DCHS2: variants seen among roughly 807,000 people sequenced by gnomAD.
DCHS2 encodes the protein protocadherin-23.
In DCHS2, 142 loss-of-function variants were observed where a neutral mutation model predicts 182.4. That is an observed-to-expected ratio of 0.78 (90% CI 0.68 to 0.89). The LOEUF (loss-of-function observed/expected upper bound fraction) is 0.89. Ranked by LOEUF, DCHS2 falls within the 40% of genes least tolerant of loss-of-function variation. DCHS2 has a pLI of 0.00. For synonymous variants in DCHS2, 1,740 were observed against 1,663.3 expected (o/e 1.05, Z -1.12); for missense variants, 4,319 against 4,198.6 (o/e 1.03, Z -0.79).
At chr4:154,355,673 A>C (rs771666251) in intron 3 of DCHS2, 3 of 152,206 alleles carry the variant, frequency 2.0e-5, no homozygotes, top group African/African-American at 7.2e-5. Flanking sequence ...TGTCACATAC[A>C]TAATGACATT....
intron 2 of DCHS2, among the ~76,000 whole-genome samples, chr4:154,376,019 G>A (rs1057441401): frequency 4.6e-5 from 7 of 152,010 alleles, no homozygotes; most frequent in Admixed American, 2.6e-4. Context: ...TAAAAAAATT[G>A]GTATACTAAT....
chr4:154,265,746 T>C (rs1348272451), intron 14 of DCHS2, among the ~76,000 whole-genome samples: 3 of 151,290 alleles, frequency 2.0e-5, no homozygotes, highest in Non-Finnish European at 2.9e-5. Context: ...TGTACACATA[T>C]TTCTGAACAA....
intron 7 of DCHS2, among the ~76,000 whole-genome samples, chr4:154,324,414 A>G (rs1051078443): frequency 6.6e-6 from 1 of 152,180 alleles, no homozygotes; most frequent in Non-Finnish European, 1.5e-5. Flanking sequence ...CCTTTGGTGG[A>G]AAATGGTTTT....
At chr4:154,453,789 T>C (rs1004259669) in intron 1 of DCHS2, among the ~76,000 whole-genome samples, 5 of 152,178 alleles carry the variant, frequency 3.3e-5, no homozygotes, top group Non-Finnish European at 5.9e-5. Context: ...ATCTCTTGCC[T>C]ATCTAATTCC....
chr4:154,354,383 T>C (rs987401092), intron 3 of DCHS2, among the ~76,000 whole-genome samples: 3 of 152,258 alleles, frequency 2.0e-5, no homozygotes, highest in Admixed American at 2.0e-4. Context: ...ATTTGTCAAC[T>C]TGATGTCAAT....
At chr4:154,350,140 T>G (rs188574374) in intron 3 of DCHS2, among the ~76,000 whole-genome samples, 8 of 152,350 alleles carry the variant, frequency 5.3e-5, no homozygotes, top group Non-Finnish European at 8.8e-5. Context: ...TCTGAGGAAC[T>G]CAGCTAACAG....
chr4:154,489,845 A>G lies in DCHS2; in HGVS notation c.1511T>C (p.Leu504Pro). 1 of 1,549,230 alleles carries G rather than the reference A, an allele frequency of 6.5e-7. No homozygotes were observed. Among genetic ancestry groups the G allele is most frequent in the Non-Finnish European group, 8.7e-7 (1 of 1,145,208 alleles). Residue 504 changes from leucine (L) to proline (P), a missense_variant, in exon 1 of 20, where the codon CTG (leucine) becomes CCG (proline). By Grantham distance (98) the Leu-to-Pro change is moderately conservative. Transcript: ENST00000357232. Reference sequence around the variant, plus strand: ...CGTGGCCACCAGTAGTAACTCATACAGATCGCGGCTCTCTCTGTCCAGGGG... The same window carrying G: ...CGTGGCCACCAGTAGTAACTCATACGGATCGCGGCTCTCTCTGTCCAGGGG... ...EGPLDRESRD[L>P]YELLLVATDA...
At chr4:154,429,450 A>T (rs1733470665) in intron 1 of DCHS2, among the ~76,000 whole-genome samples, 1 of 152,196 alleles carries the variant, frequency 6.6e-6, no homozygotes, top group Non-Finnish European at 1.5e-5. Flanking sequence ...GACTGCAGAC[A>T]GGTGTCCTAG....
Position 154,321,220 on chromosome 4 carries a change from C to A in DCHS2, c.4179G>T (p.Val1393=), listed in dbSNP as rs746049230. ...LQGQAVVNIQ[V]IPLSKGRAIM... ...TTGCTCTCCCTTTGGATAGTGGGAT[C>A]ACCTGAAATACGAATAAAAGAGATA... is the stretch of plus-strand genomic sequence containing the variant. The change falls in exon 9 of 20, where the codon GTG becomes GTT. Residue 1393 remains valine, a splice_region_variant and synonymous_variant. Coordinates refer to ENST00000357232, the MANE Select transcript of DCHS2 (RefSeq NM_001358235.2). The A allele has an allele frequency of 6.6e-7, 1 of 1,509,228 alleles. No homozygotes were observed. The highest frequency in any genetic ancestry group is 8.9e-7 in the Non-Finnish European group (1 of 1,128,338). The allele number at this position is 1,509,228 out of a possible 1,614,324, so 93.5% of individuals were successfully genotyped here.
Position 154,490,859 on chromosome 4 carries a change from C to T in DCHS2, c.497G>A (p.Arg166His), listed in dbSNP as rs865865103. 6 of 1,551,432 alleles carry T rather than the reference C, an allele frequency of 3.9e-6. No homozygotes were observed. The highest frequency in any genetic ancestry group is 5.2e-6 in the Non-Finnish European group (6 of 1,146,950). Residue 166 changes from arginine to histidine, a missense_variant, in exon 1 of 20, where the codon CGC becomes CAC. Physicochemically the swap from Arg to His is conservative, Grantham distance 29. Transcript: ENST00000357232. ...RVNDVNDHSPRFPLDSLQLDV... is the reference protein window; with the variant it reads ...RVNDVNDHSPHFPLDSLQLDV... ...GAGTTGCAGGGAGTCGAGGGGAAAGCGGGGCGAGTGGTCATTCACGTCGTT... is the reference window on the plus strand; with the variant it reads ...GAGTTGCAGGGAGTCGAGGGGAAAGTGGGGCGAGTGGTCATTCACGTCGTT...
chr4:154,362,405 T>C (rs1318301522), intron 3 of DCHS2, among the ~76,000 whole-genome samples: 1 of 152,188 alleles, frequency 6.6e-6, no homozygotes, highest in Non-Finnish European at 1.5e-5. Context: ...AGGATTTAAG[T>C]TACTTTTGCA....
rs1736043445 is a variant in DCHS2, at chr4:154,321,062, T to C, written c.4337A>G (p.Asp1446Gly). 5 of 1,611,188 alleles carry C rather than the reference T, an allele frequency of 3.1e-6. No individual in the cohort carries two copies. Among genetic ancestry groups the C allele is most frequent in the Non-Finnish European group, 4.2e-6 (5 of 1,177,596 alleles). The change falls in exon 9 of 20, where the codon GAT becomes GGT. Residue 1446 changes from aspartate (D) to glycine (G), a missense_variant. Transcript: ENST00000357232. ...NGKLHFSIVA[D>G]DKDGHFEIDS... ...TATTTCAAAGTGTCCATCCTTATCA[T>C]CTGCAACAATACTAAAATGTAACTT...
chr4:154,396,490 T>C (rs1267689834), intron 1 of DCHS2, among the ~76,000 whole-genome samples: 2 of 152,262 alleles, frequency 1.3e-5, no homozygotes, highest in South Asian at 2.1e-4. Flanking sequence ...GATGGCATTA[T>C]AACTCCAATT....
Position 154,333,007 on chromosome 4 carries a change from C to T in DCHS2, c.3201G>A (p.Leu1067=), listed in dbSNP as rs1479817211. ...GTTTCTCGATAACGACTGTCAGCAC[C>T]AGCAGGGCTGCCTGAGGATGCACGC... The part of the protein sequence containing the change: ...DQGVHPQAAL[L]VLTVVIEKRE... The change falls in exon 5 of 20, where the codon CTG becomes CTA. Residue 1067 remains leucine, a synonymous_variant. Coordinates refer to ENST00000357232, the MANE Select transcript of DCHS2 (RefSeq NM_001358235.2). 6.2e-7 allele frequency: 1 copy of T among 1,614,190 alleles called. No individual in the cohort carries two copies.
chr4:154,454,084 T>G (rs1172353276), intron 1 of DCHS2, among the ~76,000 whole-genome samples: 1 of 152,066 alleles, frequency 6.6e-6, no homozygotes, highest in Non-Finnish European at 1.5e-5. Flanking sequence ...AATGGTCCAA[T>G]CATTTTATAT....
At chr4:154,304,953 A>G in intron 11 of DCHS2, 75 bp from the exon 12 acceptor site, 2 of 1,518,728 alleles carry the variant, frequency 1.3e-6, no homozygotes. Flanking sequence ...TAACTAGACA[A>G]TGTCAGGCTA....
chr4:154,270,901 G>C (rs565929865), intron 13 of DCHS2, among the ~76,000 whole-genome samples: 1 of 152,192 alleles, frequency 6.6e-6, no homozygotes, highest in East Asian at 1.9e-4. Context: ...CAACTAGAGA[G>C]TAACCAGCAA....
At chr4:154,478,734 A>G (rs1735794931) in intron 1 of DCHS2, among the ~76,000 whole-genome samples, 1 of 152,222 alleles carries the variant, frequency 6.6e-6, no homozygotes, top group Non-Finnish European at 1.5e-5. Flanking sequence ...TGCATGGGAT[A>G]TGGACTGAAA....
rs1007929693 is a variant in DCHS2, at chr4:154,366,354, T to C, written c.2332A>G (p.Thr778Ala). The change falls in exon 3 of 20, where the codon ACG becomes GCG. Residue 778 changes from threonine to alanine, a missense_variant. Coordinates refer to ENST00000357232, the MANE Select transcript of DCHS2 (RefSeq NM_001358235.2). Reference protein sequence around the residue: ...HPVFNPSTYVTSISDETQPGT... With the variant: ...HPVFNPSTYVASISDETQPGT... ...GGCTGGGTCTCATCACTGATGCTCG[T>C]CACATAGGTTGATGGGTTAAACACA... 5.0e-6 allele frequency: 8 copies of C among 1,613,786 alleles called. No homozygotes were observed. Among genetic ancestry groups the C allele is most frequent in the African/African-American group, 2.7e-5 (2 of 74,862 alleles).
Sources: gnomAD v4.1 joint callset for allele counts (sites outside exome capture counted in the v4.1 genomes callset) on GRCh38, gnomAD v4.1.1 for gene constraint, MANE v1.5 for transcripts, NCBI Gene and HGNC (gene_info 2026-07-23, HGNC 2026-07-21) for gene names.